DNAAF19: variants seen among roughly 807,000 people sequenced by gnomAD.
The protein encoded by DNAAF19 is dynein axonemal assembly factor 19.
At chr17:44,905,141 G>A in the DNAAF19 span, 1 of 1,278,964 alleles carries the variant, frequency 7.8e-7, no homozygotes. Flanking sequence ...ATGTCTCTGG[G>A]TGGGTACCCT....
the DNAAF19 span, chr17:44,903,911 C>T: frequency 6.4e-7 from 1 of 1,550,462 alleles, no homozygotes; most frequent in Non-Finnish European, 8.7e-7. Flanking sequence ...AAACATTTTT[C>T]AGAGGACCCC....
the DNAAF19 span, chr17:44,904,205 G>A: frequency 1.0e-5 from 16 of 1,550,500 alleles, no homozygotes; most frequent in South Asian, 8.3e-5. Context: ...GTACTTCTGC[G>A]GCACCCGCAA....
At chr17:44,902,722 A>G in the DNAAF19 span, 4 of 1,612,862 alleles carry the variant, frequency 2.5e-6, no homozygotes, top group Non-Finnish European at 3.4e-6. Flanking sequence ...GGAGGGGCTC[A>G]GCTGGGAGGA....
the DNAAF19 span, chr17:44,901,433 TTATCC>T: frequency 6.8e-7 from 1 of 1,474,122 alleles, no homozygotes; most frequent in African/African-American, 1.4e-5. Flanking sequence ...CGTAACAGGT[TTATCC>T]TATACCATGC....
At chr17:44,902,619 C>T in the DNAAF19 span, 1 of 1,614,154 alleles carries the variant, frequency 6.2e-7, no homozygotes, top group Non-Finnish European at 8.5e-7. Flanking sequence ...GGCGCTTCAC[C>T]CTGAACCTAA....
chr17:44,901,784 C>A, the DNAAF19 span: 1 of 1,093,592 alleles, frequency 9.1e-7, no homozygotes, highest in Non-Finnish European at 1.3e-6. Flanking sequence ...TCATGTTAAA[C>A]CAACAGAGAT....
chr17:44,902,323 C>T, the DNAAF19 span: 1 of 1,613,858 alleles, frequency 6.2e-7, no homozygotes, highest in Non-Finnish European at 8.5e-7. Context: ...TGCAGAACAG[C>T]TGGAAGAGCT....
chr17:44,902,378 T>A, the DNAAF19 span: 1 of 1,614,018 alleles, frequency 6.2e-7, no homozygotes, highest in African/African-American at 1.3e-5. Context: ...AAAGCCCCCC[T>A]CCAGCCCGAG....
the DNAAF19 span, chr17:44,903,015 A>C: frequency 7.1e-7 from 1 of 1,418,138 alleles, no homozygotes; most frequent in African/African-American, 1.4e-5. Flanking sequence ...AACTGTGTGT[A>C]TCCATGGACA....
At chr17:44,903,327 G>C in the DNAAF19 span, 6 of 1,247,076 alleles carry the variant, frequency 4.8e-6, no homozygotes, top group Admixed American at 1.1e-4. Context: ...TTCTTGTGCA[G>C]GTTGGGCCTG....
chr17:44,902,551 G>A, the DNAAF19 span: 14 of 1,614,230 alleles, frequency 8.7e-6, no homozygotes, highest in African/African-American at 4.0e-5. Context: ...GGCTGATCAC[G>A]TGGGGCCGGC....
chr17:44,903,606 C>G, the DNAAF19 span: 59 of 1,404,854 alleles, frequency 4.2e-5, no homozygotes, highest in East Asian at 1.3e-4. Flanking sequence ...TTTCCCCCCC[C>G]ACCCTGAGAT....
the DNAAF19 span, chr17:44,902,989 G>T: frequency 1.4e-6 from 2 of 1,430,164 alleles, no homozygotes; most frequent in Non-Finnish European, 1.8e-6. Context: ...CAGTCCCTCA[G>T]TGTCTCGCTG....
At chr17:44,903,799 C>T in the DNAAF19 span, 7 of 1,530,278 alleles carry the variant, frequency 4.6e-6, no homozygotes, top group Non-Finnish European at 6.2e-6. Context: ...CTGGTTTTGC[C>T]CTGCCCCTCT....
chr17:44,904,684 C>A, the DNAAF19 span: 1 of 1,550,608 alleles, frequency 6.4e-7, no homozygotes. Context: ...GCCATGGACT[C>A]ATCATCTCCT....
chr17:44,904,467 C>CT, the DNAAF19 span: 1 of 1,545,776 alleles, frequency 6.5e-7, no homozygotes, highest in Non-Finnish European at 8.7e-7. Context: ...GATGTGGTGT[C>CT]TTGTGGCTCA....
chr17:44,902,196 C>A, the DNAAF19 span: 1 of 838,420 alleles, frequency 1.2e-6, no homozygotes, highest in Non-Finnish European at 2.0e-6. Flanking sequence ...CTGTTTCATC[C>A]CCAGTTTCCT....
At chr17:44,904,148 A>G in the DNAAF19 span, 2 of 1,550,356 alleles carry the variant, frequency 1.3e-6, no homozygotes, top group Non-Finnish European at 1.7e-6. Context: ...CAGCATCCGC[A>G]TGTTCAGCTT....
At chr17:44,902,978 C>G in the DNAAF19 span, 82 of 1,431,764 alleles carry the variant, frequency 5.7e-5, no homozygotes, top group Non-Finnish European at 7.5e-5. Context: ...CCCCACTTCT[C>G]CAGTCCCTCA....
Sources: allele counts gnomAD v4.1 joint callset, GRCh38; gene constraint gnomAD v4.1.1; transcripts MANE v1.5; gene names NCBI Gene and HGNC (gene_info 2026-07-23, HGNC 2026-07-21).